Variants in EML2 observed in about 807,000 individuals in gnomAD.
The protein encoded by EML2 is echinoderm microtubule-associated protein-like 2.
Under a neutral mutation model 84.7 loss-of-function variants are expected in EML2, and 59 were observed. That is an observed-to-expected ratio of 0.70 (90% CI 0.56 to 0.86). The LOEUF is 0.86. EML2 is among the 40% of genes least tolerant of loss of function. The pLI, the probability that EML2 is intolerant of heterozygous loss-of-function variation, is 0.00. For synonymous variants in EML2, 352 were observed against 348.9 expected (o/e 1.01, Z -0.10); for missense variants, 818 against 855.6 (o/e 0.96, Z 0.55).
upstream of EML2, chr19:45,641,713 G>A (rs1974526123): frequency 2.0e-6 from 3 of 1,536,110 alleles, no homozygotes; most frequent in South Asian, 2.4e-5. Flanking sequence ...GCGCACCGAG[G>A]CGAGGCGCTC....
At chr19:45,620,099 C>CT (rs1971522789) in intron 11 of EML2, among the ~76,000 whole-genome samples, 2 of 152,064 alleles carry the variant, frequency 1.3e-5, no homozygotes, top group South Asian at 4.2e-4. Context: ...ATGGAAATGT[C>CT]TAACTATTAA....
At chr19:45,616,205 GA>G in intron 15 of EML2, 1 of 528,198 alleles carries the variant, frequency 1.9e-6, no homozygotes, top group South Asian at 2.4e-5. Context: ...GGCGGTCTCG[GA>G]ACGTGAGGGG....
upstream of EML2, chr19:45,642,530 T>C: frequency 2.8e-6 from 4 of 1,411,906 alleles, no homozygotes; most frequent in Non-Finnish European, 3.7e-6. Context: ...GGGAAGGAAA[T>C]CCCCACAGCT....
At chr19:45,613,496 C>T (rs932421789) in intron 18 of EML2, 45 bp downstream of exon 18, 2 of 1,603,808 alleles carry the variant, frequency 1.2e-6, no homozygotes, top group African/African-American at 1.3e-5. Flanking sequence ...TGTCCCCACC[C>T]CTGCTTGCTA....
At chr19:45,628,651 C>G (rs562010864) in intron 7 of EML2, 3 of 152,038 alleles carry the variant, frequency 2.0e-5, no homozygotes, top group African/African-American at 4.8e-5. Context: ...GGTGAAACCC[C>G]GTCTCTACTA....
intron 3 of EML2, among the ~76,000 whole-genome samples, chr19:45,635,872 A>T (rs1044296391): frequency 6.6e-6 from 1 of 152,068 alleles, no homozygotes. Context: ...GATTATAGGC[A>T]TGAGCCACCG....
rs1010479470 is a variant in EML2 at position 45,618,934 on chromosome 19, G to A, written c.1254+126C>T. 24 of 1,121,482 alleles carry A rather than the reference G, an allele frequency of 2.1e-5. No homozygotes were observed. The East Asian group carries it at 3.6e-4, about 17-fold the overall frequency. 69.5% of individuals were successfully genotyped at this position (1,121,482 alleles called of 1,614,324 possible). A position where few individuals can be genotyped will look rare whatever the true frequency, so the allele number is the denominator to read the frequency against. ...TGCCCTCCAGCCTGGGTGACAGAGC[G>A]AGACTCCACCTCGAAGAAAAAAAAA... On this transcript the variant is annotated intron_variant, in intron 12 of 18. Coordinates refer to ENST00000245925, the MANE Select transcript of EML2 (RefSeq NM_012155.4).
chr19:45,627,799 C>T (rs2060246), intron 7 of EML2, among the ~76,000 whole-genome samples: 17,546 of 152,146 alleles, frequency 0.12, 1,139 homozygotes, highest in East Asian at 0.23. Context: ...TGGTGGTTCA[C>T]GCCTGTAATC....
chr19:45,633,742 AAAG>A (rs965827057), intron 4 of EML2, among the ~76,000 whole-genome samples: 17 of 151,992 alleles, frequency 1.1e-4, no homozygotes, highest in Admixed American at 2.0e-4. Flanking sequence ...GTTCTCAAAA[AAAG>A]AAAAAAGAAA....
At chr19:45,633,222 T>G in intron 4 of EML2, 83 bp from the exon 5 acceptor site, 1 of 1,411,594 alleles carries the variant, frequency 7.1e-7, no homozygotes, top group Non-Finnish European at 9.9e-7. Flanking sequence ...TTCCACAAAT[T>G]GGCTGGTTGA....
chr19:45,636,740 A>G (rs1306004729), intron 3 of EML2, among the ~76,000 whole-genome samples: 2 of 152,244 alleles, frequency 1.3e-5, no homozygotes, highest in African/African-American at 4.8e-5. Flanking sequence ...TGAGGTCAGG[A>G]GTCCAAGACC....
At chr19:45,615,255 G>A (rs1478671078) in intron 16 of EML2, among the ~76,000 whole-genome samples, 5 of 151,634 alleles carry the variant, frequency 3.3e-5, no homozygotes, top group East Asian at 1.9e-4. Context: ...CAAGAGAATC[G>A]CTTGAACCTG....
In EML2 at chr19:45,609,648, T is replaced by C. The variant is rs779017141; in HGVS notation, c.*15A>G. 1.4e-5 allele frequency: 22 copies of C among 1,588,364 alleles called. No individual in the cohort carries two copies. Among genetic ancestry groups the C allele is most frequent in the Non-Finnish European group, 1.9e-5 (22 of 1,168,682 alleles). On this transcript the variant is annotated 3_prime_UTR_variant, in exon 19 of 19. Coordinates refer to ENST00000245925, the MANE Select transcript of EML2 (RefSeq NM_012155.4). ...TAGAATTCCTGCCCTGACACCTGAC[T>C]CTTCCCTGGCCGCATCAGACCACCC...
In EML2 at chr19:45,626,735, G is replaced by GC. The variant is rs769463013; in HGVS notation, c.710dup (p.Ser238GlnfsTer10). On this transcript the variant is annotated frameshift_variant, in exon 8 of 19. Transcript: ENST00000245925. LOFTEE classifies it high-confidence loss of function. Reference sequence around the variant, plus strand: ...AGAGGCCTTGCCGCTTGCTCAAGCTGCCCCCCTCCAAGGTCCAGAAGTAGA... The same window carrying GC: ...AGAGGCCTTGCCGCTTGCTCAAGCTGCCCCCCCTCCAAGGTCCAGAAGTAGA... 1.2e-6 allele frequency: 2 copies of GC among 1,613,662 alleles called. No homozygotes were observed. Among genetic ancestry groups the GC allele is most frequent in the East Asian group, 2.2e-5 (1 of 44,854 alleles).
intron 2 of EML2, 50 bp from the exon 3 acceptor site, chr19:45,638,684 T>C: frequency 1.3e-6 from 2 of 1,598,394 alleles, no homozygotes; most frequent in Non-Finnish European, 1.7e-6. Flanking sequence ...CCCATCCCTA[T>C]TCCCTCTCCT....
At chr19:45,643,467 G>T, upstream of EML2, 1 of 1,388,246 alleles carries the variant, frequency 7.2e-7, no homozygotes, top group Non-Finnish European at 9.9e-7. Context: ...GCCTATGGGT[G>T]CAGCCAAAAT....
In EML2 at chr19:45,609,664, C is replaced by G. The variant is rs769550501; in HGVS notation, c.1949G>C (p.Ter650SerextTer42). 1.2e-6 allele frequency: 2 copies of G among 1,600,198 alleles called. No homozygotes were observed. The highest frequency in any genetic ancestry group is 1.7e-6 in the Non-Finnish European group (2 of 1,175,088). ...DTSVLQWRVV[*>S] Reference sequence around the variant, plus strand: ...ACACCTGACTCTTCCCTGGCCGCATCAGACCACCCGCCACTGTAGCACACT... The same window carrying G: ...ACACCTGACTCTTCCCTGGCCGCATGAGACCACCCGCCACTGTAGCACACT... The change falls in exon 19 of 19, where the codon TGA becomes TCA. Residue 650 changes from the stop codon to serine, a stop_lost. Coordinates refer to ENST00000245925, the MANE Select transcript of EML2 (RefSeq NM_012155.4).
intron 7 of EML2, among the ~76,000 whole-genome samples, chr19:45,628,016 G>A (rs555967500): frequency 1.3e-5 from 2 of 152,020 alleles, no homozygotes; most frequent in Non-Finnish European, 2.9e-5. Flanking sequence ...AGTGAGCCGA[G>A]ATCGTGCCAG....
At chr19:45,614,782 G>A in intron 16 of EML2, 82 bp from the exon 17 acceptor site, 1 of 1,191,074 alleles carries the variant, frequency 8.4e-7, no homozygotes, top group African/African-American at 1.5e-5. Context: ...AATCGGAGCT[G>A]AGGTCCAAGA....
Sources: gnomAD v4.1 joint callset for allele counts (sites outside exome capture counted in the v4.1 genomes callset) on GRCh38, gnomAD v4.1.1 for gene constraint, MANE v1.5 for transcripts, NCBI Gene and HGNC (gene_info 2026-07-23, HGNC 2026-07-21) for gene names.